The following DOCK3 variants were observed in gnomAD, a reference collection of about 807,000 sequenced individuals.
DOCK3 encodes dedicator of cytokinesis 3.
A neutral mutation model predicts 265.6 loss-of-function variants in DOCK3; 60 were observed. That is an observed-to-expected ratio of 0.23 (90% confidence interval 0.18 to 0.28). DOCK3 has a LOEUF of 0.28. DOCK3 is among the 10% of genes least tolerant of loss of function. The pLI is 1.00. For synonymous variants in DOCK3, 881 were observed against 938.0 expected, an observed-to-expected ratio of 0.94 and a Z score of 1.11; for missense variants, 1,981 against 2,594.3, an observed-to-expected ratio of 0.76 and a Z score of 5.14.
At chr3:50,733,125 T>C (rs1576274312) in intron 1 of DOCK3, among the ~76,000 whole-genome samples, 1 of 152,196 alleles carries the variant, frequency 6.6e-6, no homozygotes, top group East Asian at 1.9e-4. Flanking sequence ...TTGAAAAATG[T>C]ATATGGGCCT....
At chr3:50,884,813 C>G (rs1460258094) in intron 3 of DOCK3, among the ~76,000 whole-genome samples, 1 of 151,954 alleles carries the variant, frequency 6.6e-6, no homozygotes, top group Non-Finnish European at 1.5e-5. Context: ...CCTCCCCGCC[C>G]CCCACAGTTT....
At chr3:51,068,539 GAAAAAAA>G (rs1160597168) in intron 6 of DOCK3, among the ~76,000 whole-genome samples, 3 of 45,702 alleles carry the variant, frequency 6.6e-5, no homozygotes, top group Non-Finnish European at 1.3e-4. Flanking sequence ...GACTCCGTCT[GAAAAAAA>G]AAAAAAAAAA....
At position 51,374,464 on chromosome 3, in the gene DOCK3, TA is replaced by T; in HGVS notation, c.5294-4del. On this transcript the variant is annotated splice_polypyrimidine_tract_variant and splice_region_variant and intron_variant, in intron 49 of 52. Transcript: ENST00000266037. This position sits in a 1 kb window ranked among gnomAD's most constrained non-coding sequence, Gnocchi z 4.8. ...CTGTGCTTGATTGTTCTCACTTGGT[TA>T]CAGGCTCTCCCTCTCTGCCAGATAA... The T allele has an allele frequency of 6.2e-7, 1 of 1,611,156 alleles. No individual in the cohort carries two copies. Among genetic ancestry groups the T allele is most frequent in the East Asian group, 2.2e-5 (1 of 44,774 alleles).
At chr3:50,770,746 G>T (rs1256361054) in intron 1 of DOCK3, among the ~76,000 whole-genome samples, 2 of 152,098 alleles carry the variant, frequency 1.3e-5, no homozygotes, top group East Asian at 3.9e-4. Context: ...CAGAAACAAG[G>T]TTTGTCTAAC....
intron 5 of DOCK3, among the ~76,000 whole-genome samples, chr3:51,014,015 T>C (rs915294438): frequency 1.3e-5 from 2 of 152,164 alleles, no homozygotes; most frequent in South Asian, 2.1e-4. Flanking sequence ...GTTAAGACCA[T>C]TGGACAAGTG....
intron 21 of DOCK3, among the ~76,000 whole-genome samples, chr3:51,245,390 CTTTTT>C (rs71084137): frequency 9.4e-6 from 1 of 106,666 alleles, no homozygotes. Flanking sequence ...CATTTTCTTT[CTTTTT>C]TTTTTTTTTT....
chr3:50,905,796 T>C (rs976689620), intron 4 of DOCK3, among the ~76,000 whole-genome samples: 2 of 152,104 alleles, frequency 1.3e-5, no homozygotes, highest in African/African-American at 4.8e-5. Flanking sequence ...CTTCCAACAC[T>C]ATGTTGAATA....
Position 51,200,346 on chromosome 3 carries a change from G to A in DOCK3, c.1038-8428G>A, listed in dbSNP as rs557392378. Among the ~76,000 whole-genome samples the A allele has an allele frequency of 2.1e-4, 32 of 151,118 alleles. No individual in the cohort carries two copies. The South Asian group carries it at 5.5e-3, about 26-fold the overall frequency. On this transcript the variant is annotated intron_variant, in intron 12 of 52. Transcript: ENST00000266037. ...ACAGAGAAGTGCTTAAGGAGCTGAT[G>A]GAGCTGAAAGCCAAGGCTCGAGAAC...
In DOCK3 at chr3:51,251,296, CTT is replaced by C. The variant is rs368159817; in HGVS notation, c.2184+4491_2184+4492del. 1.5e-3 allele frequency among the ~76,000 whole-genome samples: 222 copies of C among 152,254 alleles called. 5 individuals are homozygous for C. The East Asian group carries it at 0.04, about 27-fold the overall frequency. On this transcript the variant is annotated intron_variant, in intron 22 of 52. Transcript: ENST00000266037. ...ATGGACATTTGGGTTGGTTCCAAGT[CTT>C]TGCTATTGTGAATAGTGCCGCAGTA...
At chr3:51,231,373 C>G (rs1314458062) in intron 19 of DOCK3, among the ~76,000 whole-genome samples, 1 of 151,718 alleles carries the variant, frequency 6.6e-6, no homozygotes, top group East Asian at 1.9e-4. Context: ...AAGTGATCTG[C>G]CTGCCTCAGC....
chr3:51,100,443 G>A (rs1475239886), intron 9 of DOCK3, among the ~76,000 whole-genome samples: 1 of 152,164 alleles, frequency 6.6e-6, no homozygotes, highest in Admixed American at 6.5e-5. Flanking sequence ...GGCCACCAGA[G>A]GGAGTTCTGG....
At chr3:51,278,686 C>G (rs1042933249) in intron 26 of DOCK3, among the ~76,000 whole-genome samples, 1 of 152,064 alleles carries the variant, frequency 6.6e-6, no homozygotes, top group East Asian at 1.9e-4. Flanking sequence ...TTACACAGTG[C>G]TTGCTGTGGG....
intron 1 of DOCK3, among the ~76,000 whole-genome samples, chr3:50,765,072 GTTTTTTTTTTTTTT>G (rs34672189): frequency 2.1e-5 from 1 of 47,434 alleles, no homozygotes; most frequent in African/African-American, 8.4e-5. Context: ...ACTTTCTTAG[GTTTTTTTTTTTTTT>G]TTTTTTTTTT....
At chr3:50,941,909 T>C (rs1575582612) in intron 5 of DOCK3, among the ~76,000 whole-genome samples, 2 of 152,154 alleles carry the variant, frequency 1.3e-5, no homozygotes, top group South Asian at 4.1e-4. Context: ...GAGGTCAGAG[T>C]GTGACTGTTA....
intron 5 of DOCK3, among the ~76,000 whole-genome samples, chr3:50,958,522 T>C (rs891587983): frequency 6.6e-6 from 1 of 152,224 alleles, no homozygotes; most frequent in African/African-American, 2.4e-5. Context: ...ATAATACATA[T>C]GTAAGCCCTA....
At chr3:51,149,551 G>A (rs1485539651) in intron 10 of DOCK3, among the ~76,000 whole-genome samples, 1 of 152,084 alleles carries the variant, frequency 6.6e-6, no homozygotes, top group African/African-American at 2.4e-5. Flanking sequence ...TAGCATGAAG[G>A]GCTATTGAAT....
intron 3 of DOCK3, among the ~76,000 whole-genome samples, chr3:50,879,911 T>A (rs1026234799): frequency 6.6e-6 from 1 of 151,960 alleles, no homozygotes; most frequent in Non-Finnish European, 1.5e-5. Flanking sequence ...TGTAAAAGAA[T>A]AGAAATTATA....
In DOCK3 at chr3:51,103,802, G is replaced by A. The variant is rs151279014; in HGVS notation, c.746+13418G>A. 4.0e-3 allele frequency among the ~76,000 whole-genome samples: 603 copies of A among 152,096 alleles called. 2 individuals carry two copies. Among genetic ancestry groups the A allele is most frequent in the Non-Finnish European group, 6.1e-3 (415 of 67,976 alleles). ...TTCCTGAGCTATGTTTGTGCTCAAG[G>A]AGAAAAAAAACTGGGAGGATATTCA... On this transcript the variant is annotated intron_variant, in intron 9 of 52. Transcript: ENST00000266037.
intron 38 of DOCK3, among the ~76,000 whole-genome samples, chr3:51,347,930 GCTCT>G (rs1560478642): frequency 6.6e-6 from 1 of 152,074 alleles, no homozygotes; most frequent in African/African-American, 2.4e-5. Flanking sequence ...TCACAATTTG[GCTCT>G]CTGTTTGTCT....
Sources: allele counts gnomAD v4.1 joint callset (sites outside exome capture counted in the v4.1 genomes callset), GRCh38; gene constraint gnomAD v4.1.1; non-coding constraint Gnocchi (gnomAD v3.1); transcripts MANE v1.5; gene names NCBI Gene and HGNC (gene_info 2026-07-23, HGNC 2026-07-21).